The following CCDC9 variants were observed in gnomAD, a reference collection of about 807,000 sequenced individuals.
CCDC9 encodes coiled-coil domain-containing protein 9.
In CCDC9, 52 loss-of-function variants were observed where a neutral mutation model predicts 65.6. The observed-to-expected ratio is 0.79, with a 90% confidence interval of 0.63 to 1.00. The LOEUF is 1.00. CCDC9 is among the 50% of genes least tolerant of loss of function. CCDC9 has a pLI of 0.00. For synonymous variants in CCDC9, 332 were observed against 280.3 expected (o/e 1.18, Z -1.84); for missense variants, 834 against 757.2 (o/e 1.10, Z -1.19).
Position 47,260,693 on chromosome 19 carries a change from G to A in CCDC9, c.316G>A (p.Gly106Ser), listed in dbSNP as rs779784977. The change falls in exon 5 of 12, where the codon GGC (glycine) becomes AGC (serine). Residue 106 changes from glycine to serine, a missense_variant. Coordinates refer to ENST00000221922, the MANE Select transcript of CCDC9 (RefSeq NM_015603.3). The stretch of plus-strand genomic sequence containing the variant: ...ACAGCAGGGAGGCCGGGCCGGCATG[G>A]GCCGAGCATCGCGCAGCTGGGAGGG... ...PPQQGGRAGM[G>S]RASRSWEGSP... The A allele has an allele frequency of 6.4e-7, 1 of 1,561,464 alleles. No homozygotes were observed. Among genetic ancestry groups the A allele is most frequent in the Admixed American group, 2.0e-5 (1 of 50,780 alleles).
intron 1 of CCDC9, 60 bp from the exon 2 acceptor site, chr19:47,258,270 A>AC: frequency 3.3e-6 from 3 of 901,910 alleles, no homozygotes; most frequent in Non-Finnish European, 5.5e-6. Flanking sequence ...GCAGTATGTT[A>AC]GAGGGTGAAG....
Position 47,271,330 on chromosome 19 carries a change from TGA to T in CCDC9, c.1250_1251del (p.Glu417GlyfsTer5). The T allele has an allele frequency of 6.2e-7, 1 of 1,610,782 alleles. No homozygotes were observed. Among genetic ancestry groups the T allele is most frequent in the Non-Finnish European group, 8.5e-7 (1 of 1,178,978 alleles). On this transcript the variant is annotated frameshift_variant, in exon 12 of 12. Transcript: ENST00000221922. LOFTEE classifies it high-confidence loss of function. The part of the protein sequence containing the change: ...RPPEDEGEEN[E>X]GEEDEEWEDI... Reference sequence around the variant, plus strand: ...CTCCTGAAGACGAGGGGGAAGAGAATGAGGGGGAAGAGGATGAAGAATGGGAG... The same window carrying T: ...CTCCTGAAGACGAGGGGGAAGAGAATGGGGGAAGAGGATGAAGAATGGGAG...
At chr19:47,260,267 C>T in intron 3 of CCDC9, 54 bp from the exon 4 acceptor site, 1 of 1,317,462 alleles carries the variant, frequency 7.6e-7, no homozygotes, top group Admixed American at 2.0e-5. Flanking sequence ...GTCTGGGAGT[C>T]CGTCTGGCAG....
chr19:47,267,843 C>CT (rs912503560), intron 8 of CCDC9, among the ~76,000 whole-genome samples: 160 of 147,320 alleles, frequency 1.1e-3, no homozygotes, highest in East Asian at 3.3e-3. Flanking sequence ...TCACCGTCAC[C>CT]TTTTTTTTTT....
chr19:47,260,967 T>C, intron 5 of CCDC9, 128 bp downstream of exon 5: 1 of 1,099,138 alleles, frequency 9.1e-7, no homozygotes, highest in South Asian at 1.6e-5. Context: ...AGCCTTTGCA[T>C]CTGGCTCTGT....
downstream of CCDC9, chr19:47,273,444 C>G: frequency 1.7e-6 from 2 of 1,205,478 alleles, no homozygotes; most frequent in South Asian, 4.2e-5. Context: ...CCTCCGCTGC[C>G]GGGGGCCGCT....
intron 7 of CCDC9, 113 bp from the exon 8 acceptor site, chr19:47,266,498 T>A: frequency 7.0e-7 from 1 of 1,423,486 alleles, no homozygotes; most frequent in Non-Finnish European, 9.2e-7. Context: ...GATTGTGATC[T>A]CTGCCTTGTC....
chr19:47,272,691 G>T (rs1050500898), downstream of CCDC9, among the ~76,000 whole-genome samples: 1 of 152,184 alleles, frequency 6.6e-6, no homozygotes, highest in Admixed American at 6.5e-5. Context: ...GAACTGGCTC[G>T]AAAAGGCCAA....
chr19:47,269,160 C>T (rs1361748187), intron 8 of CCDC9, among the ~76,000 whole-genome samples: 3 of 151,984 alleles, frequency 2.0e-5, no homozygotes, highest in African/African-American at 7.3e-5. Context: ...TTGAGTCCTC[C>T]TCTATGTCAT....
chr19:47,269,446 T>A (rs943265271), intron 8 of CCDC9, among the ~76,000 whole-genome samples: 3 of 152,042 alleles, frequency 2.0e-5, no homozygotes, highest in Non-Finnish European at 2.9e-5. Context: ...CATCGCCTCC[T>A]GGGTTCAAAT....
At chr19:47,268,270 AAGG>A (rs1568640255) in intron 8 of CCDC9, among the ~76,000 whole-genome samples, 1 of 152,166 alleles carries the variant, frequency 6.6e-6, no homozygotes, top group Non-Finnish European at 1.5e-5. Context: ...CATAACCAAG[AAGG>A]AGAAGGTTCT....
At position 47,260,632 on chromosome 19, in the gene CCDC9, G is replaced by T. The variant is rs1398786374; in HGVS notation, c.255G>T (p.Arg85=). The T allele has an allele frequency of 2.6e-6, 4 of 1,522,098 alleles. No individual in the cohort carries two copies. In the Admixed American group the frequency reaches 6.6e-5, roughly 25 times the overall value. 94.3% of individuals were successfully genotyped at this position (1,522,098 alleles called of 1,614,324 possible). Residue 85 remains arginine (R), a synonymous_variant, in exon 5 of 12, where the codon CGG becomes CGT. Transcript: ENST00000221922. ...CCCGGAGGTCTCCTGGGACCCCTCGGCCCCCAGGGGCCAGCAAGGGGGGCC... is the reference window on the plus strand; with the variant it reads ...CCCGGAGGTCTCCTGGGACCCCTCGTCCCCCAGGGGCCAGCAAGGGGGGCC... ...GPSRRSPGTP[R]PPGASKGGRT... is the part of the protein sequence containing the mutation.
downstream of CCDC9, chr19:47,274,949 C>T (rs1364019215): frequency 2.2e-4 from 305 of 1,357,656 alleles, no homozygotes; most frequent in Non-Finnish European, 2.8e-4. Flanking sequence ...TGGGCGGCGG[C>T]GCCGAGAGCC....
rs761513398 is a variant in CCDC9 at position 47,271,292 on chromosome 19, C to G, written c.1210C>G (p.Pro404Ala). The change falls in exon 12 of 12, where the codon CCT becomes GCT. Residue 404 changes from proline to alanine, a missense_variant. Physicochemically the swap from Pro to Ala is conservative, Grantham distance 27. Coordinates refer to ENST00000221922, the MANE Select transcript of CCDC9 (RefSeq NM_015603.3). The stretch of plus-strand genomic sequence containing the variant: ...CCCAAAGCCACCCGAGATCCCAGCT[C>G]CTGCCCACCGGCCTCCTGAAGACGA... ...TPMQPPEIPA[P>A]AHRPPEDEGE... 6.2e-7 allele frequency: 1 copy of G among 1,612,702 alleles called. No homozygotes were observed. Among genetic ancestry groups the G allele is most frequent in the South Asian group, 1.1e-5 (1 of 90,828 alleles).
intron 5 of CCDC9, among the ~76,000 whole-genome samples, chr19:47,263,875 TTTTTA>T (rs371859498): frequency 6.6e-6 from 1 of 150,962 alleles, no homozygotes; most frequent in Non-Finnish European, 1.5e-5. Flanking sequence ...GTTATTTTTA[TTTTTA>T]TTTTATTTTA....
chr19:47,259,440 A>C (rs560352452), intron 3 of CCDC9, among the ~76,000 whole-genome samples: 1 of 152,090 alleles, frequency 6.6e-6, no homozygotes, highest in African/African-American at 2.4e-5. Context: ...ACCAAGGAGG[A>C]AGCTGGGGCT....
downstream of CCDC9, among the ~76,000 whole-genome samples, chr19:47,272,614 T>C (rs537359942): frequency 6.6e-6 from 1 of 152,178 alleles, no homozygotes; most frequent in South Asian, 2.1e-4. Context: ...AGAGCAAGAC[T>C]CCGTCTCAAA....
At chr19:47,273,863 A>T (rs1427950650), downstream of CCDC9, 14 of 486,742 alleles carry the variant, frequency 2.9e-5, no homozygotes, top group Non-Finnish European at 3.7e-5. Context: ...TGGAGGGGGC[A>T]GGCTGGGTCG....
At chr19:47,265,984 C>CT (rs1158302196) in intron 7 of CCDC9, among the ~76,000 whole-genome samples, 1,571 of 72,506 alleles carry the variant, frequency 0.022, 336 homozygotes, top group African/African-American at 0.1. Context: ...CCGCTCCTGG[C>CT]TTTTTTTTTT....
Sources: gnomAD v4.1 joint callset for allele counts (sites outside exome capture counted in the v4.1 genomes callset) on GRCh38, gnomAD v4.1.1 for gene constraint, MANE v1.5 for transcripts, NCBI Gene and HGNC (gene_info 2026-07-23, HGNC 2026-07-21) for gene names.